STXBP4: variants seen among roughly 807,000 people sequenced by gnomAD.
STXBP4 encodes syntaxin-binding protein 4.
In STXBP4, 55 loss-of-function variants were observed where a neutral mutation model predicts 76.1. The observed-to-expected ratio is 0.72, with a 90% confidence interval of 0.58 to 0.91. STXBP4 has a LOEUF of 0.91. Ranked by LOEUF, STXBP4 falls within the 40% of genes least tolerant of loss-of-function variation. The pLI is 0.00. For synonymous variants in STXBP4, 201 were observed against 220.2 expected (o/e 0.91, Z 0.77); for missense variants, 618 against 636.9 (o/e 0.97, Z 0.32).
intron 1 of STXBP4, among the ~76,000 whole-genome samples, chr17:54,973,545 G>T (rs1195595271): frequency 6.6e-6 from 1 of 152,160 alleles, no homozygotes; most frequent in Non-Finnish European, 1.5e-5. Context: ...ATGATGAAAG[G>T]TCTGTCAATA....
rs144646513 is a variant in STXBP4, at chr17:55,072,330, A to T, written c.1012-570A>T. ...CCTGAGACATAACATGTGTTTAATA[A>T]ATGTCTTGTGAGCCTTGCATTCAAC... is the stretch of plus-strand genomic sequence containing the variant. On this transcript the variant is annotated intron_variant, in intron 12 of 17. Transcript: ENST00000376352. Among the ~76,000 whole-genome samples the T allele has an allele frequency of 1.5e-3, 223 of 152,292 alleles. 7 individuals are homozygous for T. In the South Asian group the frequency reaches 0.045, roughly 31 times the overall value.
Position 55,074,418 on chromosome 17 carries a change from C to A in STXBP4, c.1188+1342C>A, listed in dbSNP as rs371346523. 1.4e-3 allele frequency among the ~76,000 whole-genome samples: 219 copies of A among 152,100 alleles called. 1 individual carries two copies. Among genetic ancestry groups the A allele is most frequent in the African/African-American group, 5.0e-3 (206 of 41,510 alleles). On this transcript the variant is annotated intron_variant, in intron 13 of 17. Transcript: ENST00000376352. Reference sequence around the variant, plus strand: ...AATATTACATATTTGTTATTTGTGACCTGGTTTTTACATTCTGAAAGTAGA... The same window carrying A: ...AATATTACATATTTGTTATTTGTGAACTGGTTTTTACATTCTGAAAGTAGA...
Position 55,170,410 on chromosome 17 carries a change from G to GTA in STXBP4, c.*10506_*10507dup, listed in dbSNP as rs2080399685. The stretch of plus-strand genomic sequence containing the variant: ...TATACAATATAAAACCAACAGTATT[G>GTA]TATATATAAACACCATAGAAGATCT... On this transcript the variant is annotated 3_prime_UTR_variant, in exon 18 of 18. Coordinates refer to ENST00000376352, the MANE Select transcript of STXBP4 (RefSeq NM_178509.6). The GTA allele has an allele frequency of 6.6e-6, 1 of 151,860 alleles. No individual in the cohort carries two copies. The highest frequency in any genetic ancestry group is 6.6e-5 in the Admixed American group (1 of 15,244). 9.4% of individuals were successfully genotyped at this position (151,860 alleles called of 1,614,324 possible).
chr17:55,035,598 TTTC>T (rs2078587096), intron 10 of STXBP4, among the ~76,000 whole-genome samples: 1 of 151,922 alleles, frequency 6.6e-6, no homozygotes, highest in African/African-American at 2.4e-5. Flanking sequence ...AAATTAAAAT[TTTC>T]TTCCATATTG....
Position 55,099,736 on chromosome 17 carries a change from G to C in STXBP4, c.1489+18553G>C, listed in dbSNP as rs907944924. Among the ~76,000 whole-genome samples, 4 of 152,202 alleles carry C rather than the reference G, an allele frequency of 2.6e-5. No individual in the cohort carries two copies. In the East Asian group the frequency reaches 7.7e-4, roughly 29 times the overall value. On this transcript the variant is annotated intron_variant, in intron 16 of 17. Coordinates refer to ENST00000376352, the MANE Select transcript of STXBP4 (RefSeq NM_178509.6). Reference sequence around the variant, plus strand: ...TATCAGGCACTAAGAACATAGGCCAGCTTTGCTAATGTCCTTTAGTACAAA... The same window carrying C: ...TATCAGGCACTAAGAACATAGGCCACCTTTGCTAATGTCCTTTAGTACAAA...
chr17:55,185,278 T>TCTC, the STXBP4 span, among the ~76,000 whole-genome samples: 5 of 89,052 alleles, frequency 5.6e-5, 1 homozygote, highest in African/African-American at 2.4e-4. Context: ...TCCTTCTCCT[T>TCTC]CTCCTTCTCC....
chr17:55,093,612 A>T (rs527934176), intron 16 of STXBP4, among the ~76,000 whole-genome samples: 1 of 152,224 alleles, frequency 6.6e-6, no homozygotes, highest in Non-Finnish European at 1.5e-5. Context: ...AAAGTAGGTC[A>T]CTGTTGTAAG....
intron 16 of STXBP4, among the ~76,000 whole-genome samples, chr17:55,095,825 A>G (rs1415964963): frequency 6.6e-6 from 1 of 152,186 alleles, no homozygotes; most frequent in African/African-American, 2.4e-5. Context: ...TTTGGAAAGG[A>G]CAATGTCAGA....
chr17:55,114,499 C>T (rs1308228977), intron 16 of STXBP4, among the ~76,000 whole-genome samples: 1 of 151,984 alleles, frequency 6.6e-6, no homozygotes, highest in Non-Finnish European at 1.5e-5. Context: ...AGTAATATGT[C>T]CCTTAGGGCA....
chr17:55,096,864 C>CA lies in STXBP4; in HGVS notation c.1489+15681_1489+15682insA, dbSNP rs367573648. Among the ~76,000 whole-genome samples, 885 of 152,176 alleles carry CA rather than the reference C, an allele frequency of 5.8e-3. 11 individuals carry two copies. The highest frequency in any genetic ancestry group is 0.02 in the African/African-American group (829 of 41,532). On this transcript the variant is annotated intron_variant, in intron 16 of 17. Coordinates refer to ENST00000376352, the MANE Select transcript of STXBP4 (RefSeq NM_178509.6). The stretch of plus-strand genomic sequence containing the variant: ...AGAGTTAATAGCTCTTTGCTCAAAC[C>CA]TGTATTATTGCTCTTTTCATATTGC...
At chr17:55,055,655 A>G (rs1217371738) in intron 12 of STXBP4, among the ~76,000 whole-genome samples, 3 of 152,172 alleles carry the variant, frequency 2.0e-5, no homozygotes, top group South Asian at 2.1e-4. Flanking sequence ...GTTAAAGCCT[A>G]TGAGGGCCTA....
chr17:55,191,156 C>T, the STXBP4 span, among the ~76,000 whole-genome samples: 1 of 152,156 alleles, frequency 6.6e-6, no homozygotes, highest in East Asian at 1.9e-4. Flanking sequence ...GAAGCTGAAA[C>T]TCAGGGTAGA....
At chr17:55,193,813 C>CAAAAAA in the STXBP4 span, among the ~76,000 whole-genome samples, 1 of 27,996 alleles carries the variant, frequency 3.6e-5, no homozygotes, top group African/African-American at 1.4e-4. Flanking sequence ...GACCTGATTT[C>CAAAAAA]AGAAAAAAAA....
the STXBP4 span, among the ~76,000 whole-genome samples, chr17:55,207,806 G>A: frequency 6.6e-6 from 1 of 152,186 alleles, no homozygotes; most frequent in Non-Finnish European, 1.5e-5. Flanking sequence ...GCGCACGTGT[G>A]CAAACACATG....
chr17:55,024,131 A>G (rs1484547532), intron 8 of STXBP4, among the ~76,000 whole-genome samples: 2 of 152,208 alleles, frequency 1.3e-5, no homozygotes, highest in African/African-American at 2.4e-5. Flanking sequence ...TAAGTGGACA[A>G]ACATGGAGTA....
chr17:55,125,626 C>G (rs2079902393), intron 16 of STXBP4, among the ~76,000 whole-genome samples: 1 of 151,996 alleles, frequency 6.6e-6, no homozygotes, highest in Non-Finnish European at 1.5e-5. Context: ...TTGGCAGGAC[C>G]CAGGGCTGGG....
At chr17:55,121,888 T>G (rs1024360323) in intron 16 of STXBP4, among the ~76,000 whole-genome samples, 4 of 152,180 alleles carry the variant, frequency 2.6e-5, no homozygotes, top group Admixed American at 6.5e-5. Flanking sequence ...CACTGGGGGC[T>G]TTTTACGCCC....
At chr17:55,023,796 C>G (rs2078358056) in intron 8 of STXBP4, among the ~76,000 whole-genome samples, 1 of 151,460 alleles carries the variant, frequency 6.6e-6, no homozygotes, top group African/African-American at 2.4e-5. Context: ...AGGAATGACT[C>G]AGACTTAGAT....
the STXBP4 span, among the ~76,000 whole-genome samples, chr17:55,203,555 TA>T: frequency 6.6e-6 from 1 of 152,278 alleles, no homozygotes; most frequent in South Asian, 2.1e-4. Flanking sequence ...GAGGAAAATT[TA>T]GCTCCAAAAG....
Sources: gnomAD v4.1 joint callset for allele counts (sites outside exome capture counted in the v4.1 genomes callset) on GRCh38, gnomAD v4.1.1 for gene constraint, MANE v1.5 for transcripts, NCBI Gene and HGNC (gene_info 2026-07-23, HGNC 2026-07-21) for gene names.